The following RYR3 variants were observed in gnomAD, a reference collection of about 807,000 sequenced individuals.
RYR3 encodes the protein brain ryanodine receptor-calcium release channel.
Under a neutral mutation model 584.3 loss-of-function variants are expected in RYR3, and 207 were observed. That is an observed-to-expected ratio of 0.35 (90% CI 0.32 to 0.40). The LOEUF (loss-of-function observed/expected upper bound fraction) is 0.40, where lower values mean the gene tolerates loss of function less well. RYR3 is among the 10% of genes least tolerant of loss of function. RYR3 has a pLI of 1.00. For missense variants in RYR3, 5,616 were observed against 6,089.2 expected (o/e 0.92, Z 2.59); for synonymous variants, 2,416 against 2,248.5 (o/e 1.07, Z -2.11).
chr15:33,714,174 T>C (rs2152798467), intron 43 of RYR3, among the ~76,000 whole-genome samples: 1 of 152,288 alleles, frequency 6.6e-6, no homozygotes, highest in South Asian at 2.1e-4. Flanking sequence ...CCTGTCTCCC[T>C]AATCAACAAG....
intron 67 of RYR3, among the ~76,000 whole-genome samples, chr15:33,795,387 TTTTTTTTTTTTTTTTG>T (rs1177693425): frequency 8.3e-5 from 6 of 72,650 alleles, no homozygotes; most frequent in Admixed American, 6.0e-4. Flanking sequence ...TTTCTTTTTT[TTTTTTTTTTTTTTTTG>T]TGAGACAGAG....
intron 1 of RYR3, among the ~76,000 whole-genome samples, chr15:33,372,358 A>ATTTTTTTTT (rs59663566): frequency 1.3e-5 from 1 of 75,550 alleles, no homozygotes; most frequent in African/African-American, 6.1e-5. Flanking sequence ...TGCCCGGCTA[A>ATTTTTTTTT]TTTTTTTTTT....
chr15:33,539,209 A>G lies in RYR3; in HGVS notation c.434-141A>G, dbSNP rs566720514. 2.4e-4 allele frequency: 144 copies of G among 600,278 alleles called. No individual in the cohort carries two copies. In the African/African-American group the frequency reaches 2.5e-3, roughly 10 times the overall value. 37.2% of individuals were successfully genotyped at this position (600,278 alleles called of 1,614,324 possible). ...ATGGGGGGCTGTCTGGAACGGTTAG[A>G]GACCAACAGAAGTTGAGGTCTGGAA... On this transcript the variant is annotated intron_variant, in intron 5 of 103. Transcript: ENST00000634891.
intron 43 of RYR3, among the ~76,000 whole-genome samples, chr15:33,715,241 CAGAA>C (rs2067408788): frequency 6.6e-6 from 1 of 152,118 alleles, no homozygotes; most frequent in South Asian, 2.1e-4. Flanking sequence ...TTTTTAGAGT[CAGAA>C]AGGGCATGTT....
At chr15:33,767,476 C>A (rs1482578513) in intron 60 of RYR3, among the ~76,000 whole-genome samples, 2 of 152,132 alleles carry the variant, frequency 1.3e-5, no homozygotes, top group Non-Finnish European at 2.9e-5. Flanking sequence ...GCCATGGGAA[C>A]TTTTGTTGTG....
At chr15:33,583,243 AG>A (rs1420892756) in intron 14 of RYR3, among the ~76,000 whole-genome samples, 20 of 152,188 alleles carry the variant, frequency 1.3e-4, no homozygotes, top group African/African-American at 4.8e-4. Context: ...ACTGTCAAAT[AG>A]GGATATATTT....
At position 33,843,548 on chromosome 15, in the gene RYR3, A is replaced by G. The variant is rs1341279682; in HGVS notation, c.13270A>G (p.Ile4424Val). The G allele has an allele frequency of 3.1e-6, 5 of 1,597,532 alleles. No homozygotes were observed. Among genetic ancestry groups the G allele is most frequent in the Non-Finnish European group, 3.4e-6 (4 of 1,171,270 alleles). Residue 4424 changes from isoleucine to valine, a missense_variant, in exon 92 of 104, where the codon ATC becomes GTC. Physicochemically the swap from Ile to Val is conservative, Grantham distance 29. Transcript: ENST00000634891. ...CCTTGCTCTGTTTGTAGCCTTCGCTATCAACTTCATCCTGCTTTTTTATAA... is the reference window on the plus strand; with the variant it reads ...CCTTGCTCTGTTTGTAGCCTTCGCTGTCAACTTCATCCTGCTTTTTTATAA... Reference protein sequence around the residue: ...RFLALFVAFAINFILLFYKVT... With the variant: ...RFLALFVAFAVNFILLFYKVT...
intron 40 of RYR3, among the ~76,000 whole-genome samples, chr15:33,698,599 T>TC (rs1409628386): frequency 6.6e-6 from 1 of 151,608 alleles, no homozygotes; most frequent in Non-Finnish European, 1.5e-5. Context: ...GGGTATGGCT[T>TC]CAAATGTTGG....
intron 60 of RYR3, among the ~76,000 whole-genome samples, chr15:33,762,203 G>A (rs2072516197): frequency 1.3e-5 from 2 of 152,128 alleles, no homozygotes; most frequent in Admixed American, 6.5e-5. Flanking sequence ...CACTGTACAG[G>A]GATGCCCTCT....
intron 80 of RYR3, among the ~76,000 whole-genome samples, chr15:33,822,342 T>A (rs1345375329): frequency 6.6e-6 from 1 of 152,106 alleles, no homozygotes; most frequent in Non-Finnish European, 1.5e-5. Context: ...TTCATAAGGG[T>A]TATATCCCAG....
chr15:33,748,479 C>T lies in RYR3; in HGVS notation c.8148C>T (p.Tyr2716=), dbSNP rs1348699051. 1 of 1,613,402 alleles carries T rather than the reference C, an allele frequency of 6.2e-7. No individual in the cohort carries two copies. Among genetic ancestry groups the T allele is most frequent in the African/African-American group, 1.3e-5 (1 of 75,038 alleles). The part of the protein sequence containing the change: ...SVSQANQGNS[Y]SPAPLDLSNV... ...CTTTGCTTTCCTAGGGCAACAGCTA[C>T]AGTCCTGCTCCCCTCGACCTCTCAA... The change falls in exon 55 of 104, where the codon TAC becomes TAT. Residue 2716 remains tyrosine, a synonymous_variant. Coordinates refer to ENST00000634891, the MANE Select transcript of RYR3 (RefSeq NM_001036.6).
rs142908366 is a variant in RYR3, at chr15:33,760,313, G to T, written c.8705+2717G>T. On this transcript the variant is annotated intron_variant, in intron 60 of 103. Coordinates refer to ENST00000634891, the MANE Select transcript of RYR3 (RefSeq NM_001036.6). ...AACCTTAAATGCAAATGGGCGAAATGCCCCAATTAAAAGACACAGACAGGC... is the reference window on the plus strand; with the variant it reads ...AACCTTAAATGCAAATGGGCGAAATTCCCCAATTAAAAGACACAGACAGGC... 5.9e-3 allele frequency among the ~76,000 whole-genome samples: 894 copies of T among 152,222 alleles called. 15 individuals carry two copies. The highest frequency in any genetic ancestry group is 0.019 in the African/African-American group (807 of 41,536).
rs2152900933 is a variant in RYR3 at position 33,780,288 on chromosome 15, A to G, written c.9215A>G (p.Asn3072Ser). 1 of 1,613,854 alleles carries G rather than the reference A, an allele frequency of 6.2e-7. No individual in the cohort carries two copies. The highest frequency in any genetic ancestry group is 1.1e-5 in the South Asian group (1 of 91,052). Reference protein sequence around the residue: ...IPVAFLEPTLNRYNPLSVFNT... With the variant: ...IPVAFLEPTLSRYNPLSVFNT... ...GTGGCATTCCTGGAGCCCACCCTTA[A>G]TCGCTACAATCCACTCTCGGTCTTC... is the stretch of plus-strand genomic sequence containing the variant. The change falls in exon 65 of 104, where the codon AAT becomes AGT. Residue 3072 changes from asparagine to serine, a missense_variant. Coordinates refer to ENST00000634891, the MANE Select transcript of RYR3 (RefSeq NM_001036.6).
At chr15:33,757,377 C>A in intron 59 of RYR3, 98 bp from the exon 60 acceptor site, 1 of 1,332,684 alleles carries the variant, frequency 7.5e-7, no homozygotes, top group Non-Finnish European at 1.0e-6. Context: ...GACCAGGGTT[C>A]AGAGGCTTTT....
chr15:33,854,327 T>G (rs2079418377), intron 96 of RYR3, 62 bp from the exon 97 acceptor site: 1 of 1,393,518 alleles, frequency 7.2e-7, no homozygotes, highest in East Asian at 2.5e-5. Flanking sequence ...TTTTTCCCCC[T>G]TATTGAGCAC....
chr15:33,572,199 A>G (rs7169363), intron 12 of RYR3, among the ~76,000 whole-genome samples: 27,439 of 152,188 alleles, frequency 0.18, 4,299 homozygotes, highest in African/African-American at 0.43. Context: ...TTACAGGAAC[A>G]TAAAAGAAAG....
intron 86 of RYR3, among the ~76,000 whole-genome samples, chr15:33,834,493 CTTAA>C (rs1320578492): frequency 7.1e-6 from 1 of 139,992 alleles, no homozygotes; most frequent in Non-Finnish European, 1.5e-5. Context: ...TTTTTTTTAA[CTTAA>C]TTAGATAGCT....
intron 3 of RYR3, among the ~76,000 whole-genome samples, chr15:33,514,346 A>G (rs1014394287): frequency 6.6e-6 from 1 of 152,128 alleles, no homozygotes; most frequent in Admixed American, 6.5e-5. Context: ...CCTTGAAAAG[A>G]TGGAGGGTGG....
intron 16 of RYR3, among the ~76,000 whole-genome samples, chr15:33,596,079 A>AT (rs902063235): frequency 1.3e-5 from 2 of 151,588 alleles, no homozygotes; most frequent in African/African-American, 2.4e-5. Context: ...TCACCTCAAA[A>AT]AAAAAAGCCT....
Sources: allele counts gnomAD v4.1 joint callset (sites outside exome capture counted in the v4.1 genomes callset), GRCh38; gene constraint gnomAD v4.1.1; transcripts MANE v1.5; gene names NCBI Gene and HGNC (gene_info 2026-07-23, HGNC 2026-07-21).